Variants in NSRP1 observed in about 807,000 individuals in gnomAD.
The protein encoded by NSRP1 is nuclear speckle splicing regulatory protein 1.
Under a neutral mutation model 54.7 loss-of-function variants are expected in NSRP1, and 24 were observed. The observed-to-expected ratio is 0.44, with a 90% CI of 0.32 to 0.62. NSRP1 has a LOEUF of 0.62. Ranked by LOEUF, NSRP1 falls within the 20% of genes least tolerant of loss-of-function variation. NSRP1 has a pLI of 0.06. For missense variants in NSRP1, 596 were observed against 651.2 expected (o/e 0.92, Z 0.92); for synonymous variants, 210 against 213.8 (o/e 0.98, Z 0.15).
rs185422790 is a variant in NSRP1, at chr17:30,154,097, G to T, written c.115-18445G>T. ...TTTGGGAGGCCGAGGCAGGAGGATT[G>T]CTTAAACCCAGGAAGGAGTTCAAGA... On this transcript the variant is annotated intron_variant, in intron 2 of 6. Transcript: ENST00000247026. Among the ~76,000 whole-genome samples the T allele has an allele frequency of 1.0e-3, 153 of 151,604 alleles. 2 individuals are homozygous for T. The Middle Eastern group carries it at 0.01, about 10-fold the overall frequency.
chr17:30,117,203 G>C, intron 1 of NSRP1: 1 of 662,870 alleles, frequency 1.5e-6, no homozygotes, highest in Non-Finnish European at 2.8e-6. Context: ...ATGCTCTCAG[G>C]GGCAGTGTGA....
At chr17:30,137,091 T>C (rs1169973134) in intron 2 of NSRP1, among the ~76,000 whole-genome samples, 1 of 152,174 alleles carries the variant, frequency 6.6e-6, no homozygotes, top group East Asian at 1.9e-4. Flanking sequence ...TGAAATATAG[T>C]GGTAATAGCA....
chr17:30,176,104 G>GTT lies in NSRP1; in HGVS notation c.172-1966_172-1965dup, dbSNP rs980842945. Among the ~76,000 whole-genome samples the GTT allele has an allele frequency of 1.1e-3, 159 of 150,308 alleles. 1 individual carries two copies. Among genetic ancestry groups the GTT allele is most frequent in the Admixed American group, 1.7e-3 (25 of 15,116 alleles). On this transcript the variant is annotated intron_variant, in intron 3 of 6. Coordinates refer to ENST00000247026, the MANE Select transcript of NSRP1 (RefSeq NM_032141.4). ...CATACTGTTTTTTTTTGTTGTTGTT[G>GTT]TTGTTTTGTTTTGTTTTGTTTTGTT...
chr17:30,182,997 G>A (rs1905367558), intron 6 of NSRP1, among the ~76,000 whole-genome samples: 1 of 151,922 alleles, frequency 6.6e-6, no homozygotes, highest in African/African-American at 2.4e-5. Flanking sequence ...TTTGATCACA[G>A]CGGCCACATT....
Position 30,166,843 on chromosome 17 carries a change from T to G in NSRP1, c.115-5699T>G, listed in dbSNP as rs150241007. Among the ~76,000 whole-genome samples the G allele has an allele frequency of 5.1e-3, 770 of 152,166 alleles. 7 individuals carry two copies. Among genetic ancestry groups the G allele is most frequent in the African/African-American group, 0.018 (731 of 41,518 alleles). On this transcript the variant is annotated intron_variant, in intron 2 of 6. Coordinates refer to ENST00000247026, the MANE Select transcript of NSRP1 (RefSeq NM_032141.4). ...CGGGAGGCTGAGGCAGGAGAATCGC[T>G]TGAACCCGGGAGGCAGAGGTTTCAG... is the stretch of plus-strand genomic sequence containing the variant.
chr17:30,163,614 A>G (rs1192792028), intron 2 of NSRP1, among the ~76,000 whole-genome samples: 1 of 152,046 alleles, frequency 6.6e-6, no homozygotes, highest in Non-Finnish European at 1.5e-5. Flanking sequence ...GGGAGAAAAA[A>G]ACTAAGAAAT....
At chr17:30,155,530 A>T (rs1447180651) in intron 2 of NSRP1, among the ~76,000 whole-genome samples, 2 of 151,912 alleles carry the variant, frequency 1.3e-5, no homozygotes, top group African/African-American at 2.4e-5. Flanking sequence ...CTTTCATATC[A>T]CTATACCTTT....
intron 2 of NSRP1, chr17:30,127,723 C>T: frequency 3.0e-6 from 1 of 333,350 alleles, no homozygotes; most frequent in East Asian, 4.4e-5. Flanking sequence ...CTAGTTGTTG[C>T]TTTTGGATAA....
At chr17:30,118,820 C>A (rs1246480856) in intron 2 of NSRP1, among the ~76,000 whole-genome samples, 1 of 151,136 alleles carries the variant, frequency 6.6e-6, no homozygotes, top group Non-Finnish European at 1.5e-5. Context: ...GCGATCTCGG[C>A]TCACTGCAAC....
In NSRP1 at chr17:30,185,715, T is replaced by G. The variant is rs1369784389; in HGVS notation, c.*41T>G. 1.3e-6 allele frequency: 2 copies of G among 1,486,202 alleles called. No individual in the cohort carries two copies. The highest frequency in any genetic ancestry group is 1.4e-5 in the African/African-American group (1 of 70,092). 92.1% of individuals were successfully genotyped at this position (1,486,202 alleles called of 1,614,324 possible). A position where few individuals can be genotyped will look rare whatever the true frequency, so the allele number is the denominator to read the frequency against. On this transcript the variant is annotated 3_prime_UTR_variant, in exon 7 of 7. Coordinates refer to ENST00000247026, the MANE Select transcript of NSRP1 (RefSeq NM_032141.4). Reference sequence around the variant, plus strand: ...AAAGATTTAAGGAAGCACAGAAAACTGTAATTCCTGGAACCTGCTGCGTAA... The same window carrying G: ...AAAGATTTAAGGAAGCACAGAAAACGGTAATTCCTGGAACCTGCTGCGTAA...
intron 2 of NSRP1, among the ~76,000 whole-genome samples, chr17:30,129,417 T>TAA (rs567721879): frequency 6.9e-6 from 1 of 145,626 alleles, no homozygotes; most frequent in Non-Finnish European, 1.5e-5. Flanking sequence ...AGTGAGTGCT[T>TAA]AAAAAAAAAA....
chr17:30,135,556 C>G (rs944904942), intron 2 of NSRP1, among the ~76,000 whole-genome samples: 1 of 151,936 alleles, frequency 6.6e-6, no homozygotes, highest in African/African-American at 2.4e-5. Context: ...TCACTGCAAG[C>G]TTCACCTCCC....
chr17:30,152,186 G>A (rs562966561), intron 2 of NSRP1, among the ~76,000 whole-genome samples: 4 of 151,654 alleles, frequency 2.6e-5, no homozygotes, highest in East Asian at 3.9e-4. Flanking sequence ...GCAGTGGCGC[G>A]ATCTCGGCTC....
intron 2 of NSRP1, among the ~76,000 whole-genome samples, chr17:30,135,942 G>T (rs2071747321): frequency 6.6e-6 from 1 of 151,986 alleles, no homozygotes; most frequent in Non-Finnish European, 1.5e-5. Flanking sequence ...GGCTCAAGTG[G>T]TGGCTCATGC....
intron 2 of NSRP1, among the ~76,000 whole-genome samples, chr17:30,141,163 A>G (rs1459276565): frequency 6.8e-6 from 1 of 146,190 alleles, no homozygotes; most frequent in South Asian, 2.1e-4. Flanking sequence ...TTAGTTTTCT[A>G]TTTTATTACT....
intron 2 of NSRP1, among the ~76,000 whole-genome samples, chr17:30,147,408 G>T (rs773683944): frequency 8.6e-5 from 13 of 152,004 alleles, no homozygotes; most frequent in Non-Finnish European, 1.8e-4. Flanking sequence ...GGGATTACAG[G>T]TGTGAGCCAC....
At chr17:30,140,520 CTTTTTTTTTT>C (rs10608409) in intron 2 of NSRP1, among the ~76,000 whole-genome samples, 2 of 50,310 alleles carry the variant, frequency 4.0e-5, no homozygotes, top group Admixed American at 2.8e-4. Context: ...TCAGATTTTA[CTTTTTTTTTT>C]TTTTTTTTTT....
chr17:30,184,534 AATT>A (rs1017603686), intron 6 of NSRP1, 78 bp from the exon 7 acceptor site: 2 of 1,468,672 alleles, frequency 1.4e-6, no homozygotes, highest in Non-Finnish European at 1.8e-6. Context: ...TATTGATAAA[AATT>A]ATATGAACCC....
intron 2 of NSRP1, among the ~76,000 whole-genome samples, chr17:30,163,587 C>T (rs1904614783): frequency 1.3e-5 from 2 of 150,608 alleles, no homozygotes; most frequent in South Asian, 4.2e-4. Flanking sequence ...TTTTTATTCT[C>T]TACACAGAAC....
Sources: allele counts gnomAD v4.1 joint callset (sites outside exome capture counted in the v4.1 genomes callset), GRCh38; gene constraint gnomAD v4.1.1; transcripts MANE v1.5; gene names NCBI Gene and HGNC (gene_info 2026-07-23, HGNC 2026-07-21).